The following PDCD6IP variants were observed in gnomAD, a reference collection of about 807,000 sequenced individuals.
PDCD6IP encodes the protein programmed cell death 6-interacting protein.
In PDCD6IP, 43 loss-of-function variants were observed where a neutral mutation model predicts 103.7. The observed-to-expected ratio is 0.41, with a 90% CI of 0.32 to 0.53. The LOEUF is 0.53. Among genes scored for constraint, PDCD6IP ranks in the 20% least tolerant of loss-of-function variants. The pLI is 0.16. For synonymous variants in PDCD6IP, 354 were observed against 378.7 expected, an observed-to-expected ratio of 0.93 and a Z score of 0.76; for missense variants, 871 against 1,036.7, an observed-to-expected ratio of 0.84 and a Z score of 2.20.
At chr3:33,858,588 A>G (rs1019288481) in intron 15 of PDCD6IP, among the ~76,000 whole-genome samples, 2 of 152,260 alleles carry the variant, frequency 1.3e-5, no homozygotes, top group African/African-American at 4.8e-5. Flanking sequence ...AGGCGGGCGG[A>G]TCACGAGGTC....
chr3:33,839,519 C>T (rs965475950), intron 9 of PDCD6IP, among the ~76,000 whole-genome samples: 5 of 151,694 alleles, frequency 3.3e-5, no homozygotes, highest in African/African-American at 1.2e-4. Flanking sequence ...GGTTATAGAG[C>T]AGTTTGTTAA....
chr3:33,800,760 T>A (rs1696458953), intron 1 of PDCD6IP, among the ~76,000 whole-genome samples: 1 of 152,164 alleles, frequency 6.6e-6, no homozygotes, highest in Non-Finnish European at 1.5e-5. Flanking sequence ...AGTTGTGGTA[T>A]AATGAGCCCT....
intron 14 of PDCD6IP, 125 bp downstream of exon 14, chr3:33,854,138 A>G (rs1697779081): frequency 4.7e-6 from 5 of 1,071,818 alleles, no homozygotes; most frequent in Admixed American, 3.2e-5. Context: ...CTTTAATGCC[A>G]TTGCTGCTGC....
rs573758897 is a variant in PDCD6IP at position 33,853,988 on chromosome 3, T to C, written c.2000T>C (p.Val667Ala). Residue 667 changes from valine (V) to alanine (A), a missense_variant, in exon 14 of 18, where the codon GTA becomes GCA. Coordinates refer to ENST00000307296, the MANE Select transcript of PDCD6IP (RefSeq NM_013374.6). ...ATAYDNFVEL[V>A]ANLKEGTKFY... ...GCATATGACAACTTTGTTGAACTTG[T>C]AGCTAATTTGAAGGAAGGCACAAAG... 2 of 1,585,984 alleles carry C rather than the reference T, an allele frequency of 1.3e-6. No individual in the cohort carries two copies. The highest frequency in any genetic ancestry group is 1.9e-5 in the Admixed American group (1 of 53,348).
chr3:33,853,346 C>T (rs924866223), intron 13 of PDCD6IP, among the ~76,000 whole-genome samples: 17 of 151,816 alleles, frequency 1.1e-4, no homozygotes, highest in African/African-American at 3.4e-4. Context: ...GGAGGAAAAT[C>T]GAAATTAGTT....
At chr3:33,854,460 G>A (rs1301556159) in intron 14 of PDCD6IP, among the ~76,000 whole-genome samples, 1 of 152,186 alleles carries the variant, frequency 6.6e-6, no homozygotes, top group East Asian at 1.9e-4. Context: ...TACTGAATAT[G>A]TAAGTACTTT....
At chr3:33,808,117 T>A (rs1696637033) in intron 1 of PDCD6IP, among the ~76,000 whole-genome samples, 2 of 152,346 alleles carry the variant, frequency 1.3e-5, no homozygotes, top group South Asian at 4.1e-4. Flanking sequence ...ATAGATCTAG[T>A]CTTTGCTTTC....
At chr3:33,841,785 T>TAA (rs929364436) in intron 9 of PDCD6IP, 112 bp from the exon 10 acceptor site, 6 of 751,968 alleles carry the variant, frequency 8.0e-6, no homozygotes, top group Non-Finnish European at 1.1e-5. Flanking sequence ...TTCTGGGTGC[T>TAA]AACTCCATTG....
At chr3:33,828,629 A>G in intron 6 of PDCD6IP, 1 of 327,726 alleles carries the variant, frequency 3.1e-6, no homozygotes, top group Non-Finnish European at 5.6e-6. Context: ...AACAGTTAAA[A>G]AAAACCCCTT....
intron 4 of PDCD6IP, among the ~76,000 whole-genome samples, chr3:33,822,438 CAT>C (rs1357175531): frequency 1.3e-5 from 2 of 152,068 alleles, no homozygotes; most frequent in Admixed American, 6.6e-5. Flanking sequence ...ACATTATTTT[CAT>C]ATGTTTTCTT....
intron 15 of PDCD6IP, among the ~76,000 whole-genome samples, chr3:33,860,573 G>T (rs1336117972): frequency 1.3e-5 from 2 of 152,094 alleles, no homozygotes; most frequent in African/African-American, 4.8e-5. Flanking sequence ...CAGGGCAACC[G>T]CTATCCTAAC....
intron 7 of PDCD6IP, among the ~76,000 whole-genome samples, chr3:33,833,412 T>C (rs1181221714): frequency 6.6e-6 from 1 of 152,198 alleles, no homozygotes; most frequent in Non-Finnish European, 1.5e-5. Flanking sequence ...TGTGTTGTTT[T>C]CTTCACTTTT....
chr3:33,827,670 A>G (rs1235487415), intron 6 of PDCD6IP: 1 of 152,068 alleles, frequency 6.6e-6, no homozygotes, highest in African/African-American at 2.4e-5. Flanking sequence ...TTGGGCCATT[A>G]GTTCAGTCCT....
chr3:33,847,448 C>T (rs1697619081), intron 12 of PDCD6IP, among the ~76,000 whole-genome samples: 2 of 152,134 alleles, frequency 1.3e-5, no homozygotes, highest in Admixed American at 6.5e-5. Flanking sequence ...TCTGTATATT[C>T]GTTTGTCATG....
rs931041878 is a variant in PDCD6IP, at chr3:33,869,442, G to T, written c.*2917G>T. 6.6e-6 allele frequency: 1 copy of T among 152,152 alleles called. No individual in the cohort carries two copies. The highest frequency in any genetic ancestry group is 1.9e-4 in the East Asian group (1 of 5,202). 9.4% of individuals were successfully genotyped at this position (152,152 alleles called of 1,614,324 possible). A position where few individuals can be genotyped will look rare whatever the true frequency, so the allele number is the denominator to read the frequency against. ...ATAGACTAGAACAGGTTCATTTTAA[G>T]ATTTACTTGGAAGAGCAAAGAAGGA... On this transcript the variant is annotated 3_prime_UTR_variant, in exon 18 of 18. Transcript: ENST00000307296.
At chr3:33,812,185 A>G (rs1310701165) in intron 2 of PDCD6IP, 59 bp downstream of exon 2, 25 of 1,557,794 alleles carry the variant, frequency 1.6e-5, no homozygotes, top group Admixed American at 2.0e-5. Flanking sequence ...CCTTCTGCCA[A>G]TATCTTCACT....
At chr3:33,823,451 G>A (rs1000932726) in intron 4 of PDCD6IP, among the ~76,000 whole-genome samples, 2 of 152,122 alleles carry the variant, frequency 1.3e-5, no homozygotes, top group Admixed American at 6.5e-5. Context: ...TAATGCATAC[G>A]CTATTTCTTT....
intron 1 of PDCD6IP, among the ~76,000 whole-genome samples, chr3:33,800,414 T>G (rs1408613707): frequency 6.6e-6 from 1 of 152,124 alleles, no homozygotes; most frequent in Non-Finnish European, 1.5e-5. Context: ...CTAAGTTAAT[T>G]GCCCTTATCT....
Position 33,822,068 on chromosome 3 carries a change from G to A in PDCD6IP, c.448G>A (p.Ala150Thr). 6.2e-7 allele frequency: 1 copy of A among 1,614,052 alleles called. No homozygotes were observed. Among genetic ancestry groups the A allele is most frequent in the Non-Finnish European group, 8.5e-7 (1 of 1,179,966 alleles). ...TAATGATGAAGGATTGAAAATCGCT[G>A]CTAAACATTACCAGGTATGCTGAAA... ...LDNDEGLKIAAKHYQFASGAF... is the reference protein window; with the variant it reads ...LDNDEGLKIATKHYQFASGAF... The change falls in exon 4 of 18, where the codon GCT (alanine) becomes ACT (threonine). Residue 150 changes from alanine to threonine, a missense_variant. Coordinates refer to ENST00000307296, the MANE Select transcript of PDCD6IP (RefSeq NM_013374.6).
Sources: allele counts gnomAD v4.1 joint callset (sites outside exome capture counted in the v4.1 genomes callset), GRCh38; gene constraint gnomAD v4.1.1; transcripts MANE v1.5; gene names NCBI Gene and HGNC (gene_info 2026-07-23, HGNC 2026-07-21).